ENPP6: variants seen among roughly 807,000 people sequenced by gnomAD.
ENPP6 encodes the protein glycerophosphocholine cholinephosphodiesterase ENPP6.
ENPP6 carries 32 observed loss-of-function variants against 42.0 expected under a neutral mutation model. The ratio of observed to expected loss-of-function variants is 0.76; its 90% CI spans 0.58 to 1.02. The LOEUF (loss-of-function observed/expected upper bound fraction) is 1.02. ENPP6 is among the 50% of genes least tolerant of loss of function. The pLI is 0.00. For synonymous variants in ENPP6, 213 were observed against 216.0 expected, an observed-to-expected ratio of 0.99 and a Z score of 0.12; for missense variants, 552 against 566.8, an observed-to-expected ratio of 0.97 and a Z score of 0.27.
At chr4:184,108,982 G>A (rs956578665) in intron 6 of ENPP6, among the ~76,000 whole-genome samples, 3 of 152,320 alleles carry the variant, frequency 2.0e-5, no homozygotes, top group African/African-American at 4.8e-5. Context: ...AGGCCAAGGC[G>A]GGCAGATCAC....
intron 1 of ENPP6, among the ~76,000 whole-genome samples, chr4:184,212,322 T>C (rs1399991924): frequency 6.6e-6 from 1 of 150,662 alleles, no homozygotes; most frequent in East Asian, 1.9e-4. Context: ...GATGACATGA[T>C]TGTATATCTA....
intron 2 of ENPP6, among the ~76,000 whole-genome samples, chr4:184,139,409 G>A (rs1260194436): frequency 6.7e-6 from 1 of 149,580 alleles, no homozygotes; most frequent in Non-Finnish European, 1.5e-5. Context: ...ACATTGTGCA[G>A]GTTAGTTACA....
At chr4:184,117,660 T>C (rs1037865957) in intron 4 of ENPP6, 99 bp downstream of exon 4, 1 of 1,548,332 alleles carries the variant, frequency 6.5e-7, no homozygotes, top group Non-Finnish European at 8.8e-7. Context: ...AATTGGCCTT[T>C]AGCAGTAAGA....
intron 1 of ENPP6, among the ~76,000 whole-genome samples, chr4:184,205,001 G>T (rs1056211821): frequency 2.6e-5 from 4 of 152,052 alleles, no homozygotes; most frequent in African/African-American, 9.7e-5. Context: ...CACCATCTTG[G>T]CTCACTGCAA....
chr4:184,120,220 C>G (rs925035623), intron 3 of ENPP6, among the ~76,000 whole-genome samples: 1 of 152,160 alleles, frequency 6.6e-6, no homozygotes, highest in African/African-American at 2.4e-5. Flanking sequence ...CTGTACTCTA[C>G]AGGGAGGAGG....
intron 6 of ENPP6, among the ~76,000 whole-genome samples, chr4:184,099,924 A>G (rs193006850): frequency 2.0e-5 from 3 of 152,212 alleles, no homozygotes; most frequent in Admixed American, 1.3e-4. Flanking sequence ...GCTATTAACA[A>G]CCTCACCAAT....
At chr4:184,154,051 C>G (rs1737112696) in intron 1 of ENPP6, among the ~76,000 whole-genome samples, 1 of 152,164 alleles carries the variant, frequency 6.6e-6, no homozygotes, top group South Asian at 2.1e-4. Flanking sequence ...GCATGGACAT[C>G]TGTGGATTCC....
At chr4:184,209,423 G>T (rs2111123538) in intron 1 of ENPP6, among the ~76,000 whole-genome samples, 2 of 151,662 alleles carry the variant, frequency 1.3e-5, no homozygotes, top group Middle Eastern at 6.8e-3. Flanking sequence ...CAAGGCTCGA[G>T]AACTACGTGA....
chr4:184,129,315 C>G (rs1579623906), intron 2 of ENPP6, among the ~76,000 whole-genome samples: 2 of 152,030 alleles, frequency 1.3e-5, no homozygotes, highest in South Asian at 4.2e-4. Context: ...CACACACACA[C>G]ACACACACAC....
chr4:184,150,058 G>A (rs539512496), intron 2 of ENPP6, among the ~76,000 whole-genome samples: 186 of 152,292 alleles, frequency 1.2e-3, no homozygotes, highest in African/African-American at 4.4e-3. Context: ...ACTCCTTGCA[G>A]TACACTACTG....
At chr4:184,122,668 C>A (rs1736437651) in intron 3 of ENPP6, among the ~76,000 whole-genome samples, 1 of 152,088 alleles carries the variant, frequency 6.6e-6, no homozygotes, top group Non-Finnish European at 1.5e-5. Flanking sequence ...TGTGAATCAC[C>A]GGGTGGTACA....
At chr4:184,208,292 G>A (rs547776456) in intron 1 of ENPP6, among the ~76,000 whole-genome samples, 1 of 152,306 alleles carries the variant, frequency 6.6e-6, no homozygotes, top group Non-Finnish European at 1.5e-5. Flanking sequence ...GAGCGATGCA[G>A]AAGATGGGTG....
At chr4:184,131,259 T>TCTTCCTTCCTAC (rs1736623972) in intron 2 of ENPP6, among the ~76,000 whole-genome samples, 1 of 73,280 alleles carries the variant, frequency 1.4e-5, no homozygotes, top group Non-Finnish European at 2.8e-5. Context: ...TTTCTCTTTC[T>TCTTCCTTCCTAC]CTTCCTTCCT....
At chr4:184,175,171 C>A (rs188002861) in intron 1 of ENPP6, among the ~76,000 whole-genome samples, 59 of 152,288 alleles carry the variant, frequency 3.9e-4, no homozygotes, top group Admixed American at 3.3e-3. Flanking sequence ...CATCTCCTCT[C>A]CTCCGCCGCC....
intron 1 of ENPP6, among the ~76,000 whole-genome samples, chr4:184,196,268 T>C (rs1485043370): frequency 6.6e-6 from 1 of 152,262 alleles, no homozygotes; most frequent in Non-Finnish European, 1.5e-5. Flanking sequence ...AAATGAGCTG[T>C]GCTTCCCCTG....
intron 1 of ENPP6, among the ~76,000 whole-genome samples, chr4:184,154,735 T>C (rs1737122926): frequency 6.6e-6 from 1 of 152,222 alleles, no homozygotes; most frequent in Non-Finnish European, 1.5e-5. Flanking sequence ...ACTATGCTAC[T>C]GTGCTCCCAG....
At chr4:184,203,444 T>G (rs1378282943) in intron 1 of ENPP6, among the ~76,000 whole-genome samples, 1 of 152,194 alleles carries the variant, frequency 6.6e-6, no homozygotes, top group Non-Finnish European at 1.5e-5. Flanking sequence ...GACCTGTGAA[T>G]GTGACCTTAT....
At chr4:184,207,634 G>A (rs1276268580) in intron 1 of ENPP6, among the ~76,000 whole-genome samples, 1 of 152,204 alleles carries the variant, frequency 6.6e-6, no homozygotes, top group Non-Finnish European at 1.5e-5. Context: ...ACACCACGCC[G>A]GTGGCTGTTT....
chr4:184,113,920 TTTC>T (rs1385053143), intron 5 of ENPP6, among the ~76,000 whole-genome samples: 12 of 136,612 alleles, frequency 8.8e-5, no homozygotes, highest in African/African-American at 2.9e-4. Flanking sequence ...TCTTTCTTTC[TTTC>T]TTTCTTTCTT....
Sources: allele counts gnomAD v4.1 joint callset (sites outside exome capture counted in the v4.1 genomes callset), GRCh38; gene constraint gnomAD v4.1.1; transcripts MANE v1.5; gene names NCBI Gene and HGNC (gene_info 2026-07-23, HGNC 2026-07-21).